GLT1D1: variants seen among roughly 807,000 people sequenced by gnomAD.
GLT1D1 encodes glycosyltransferase 1 domain-containing protein 1.
A neutral mutation model predicts 28.7 loss-of-function variants in GLT1D1; 21 were observed. The ratio of observed to expected loss-of-function variants is 0.73; its 90% CI spans 0.52 to 1.05. The LOEUF is 1.05. Ranked by LOEUF, GLT1D1 falls within the 50% of genes least tolerant of loss-of-function variation. The pLI, the probability that GLT1D1 is intolerant of heterozygous loss-of-function variation, is 0.00. For missense variants in GLT1D1, 343 were observed against 330.6 expected (o/e 1.04, Z -0.29); for synonymous variants, 147 against 124.8 (o/e 1.18, Z -1.19).
At chr12:128,875,730 G>C (rs1956853007) in intron 1 of GLT1D1, among the ~76,000 whole-genome samples, 184 bp from the exon 2 acceptor site, 1 of 151,990 alleles carries the variant, frequency 6.6e-6, no homozygotes, top group Admixed American at 6.6e-5. Context: ...GACCCAGGAG[G>C]CGGAGGTTGC....
At chr12:128,935,884 C>T (rs888261980) in intron 4 of GLT1D1, among the ~76,000 whole-genome samples, 4 of 152,276 alleles carry the variant, frequency 2.6e-5, no homozygotes, top group African/African-American at 7.2e-5. Flanking sequence ...CAATGCTAAC[C>T]GCTGGCAAGT....
intron 7 of GLT1D1, among the ~76,000 whole-genome samples, chr12:128,961,008 G>A (rs470486): frequency 0.35 from 53,426 of 152,044 alleles, 10,082 homozygotes; most frequent in Admixed American, 0.51. Flanking sequence ...TAGATTGTAT[G>A]TTTAATACCC....
intron 2 of GLT1D1, among the ~76,000 whole-genome samples, chr12:128,884,445 T>C (rs976168168): frequency 1.3e-5 from 2 of 152,116 alleles, no homozygotes; most frequent in Non-Finnish European, 2.9e-5. Context: ...AAATTTCAGC[T>C]AGGAGGAATA....
At chr12:128,878,285 T>C (rs1265587042) in intron 2 of GLT1D1, among the ~76,000 whole-genome samples, 1 of 152,186 alleles carries the variant, frequency 6.6e-6, no homozygotes. Context: ...TTTTCACCGC[T>C]CAGCCACACA....
intron 1 of GLT1D1, among the ~76,000 whole-genome samples, chr12:128,871,488 A>G (rs542599114): frequency 6.6e-6 from 1 of 152,332 alleles, no homozygotes; most frequent in African/African-American, 2.4e-5. Flanking sequence ...TCAAGACCCT[A>G]GTTATTCTTT....
chr12:128,970,472 C>T (rs915412408), intron 7 of GLT1D1, among the ~76,000 whole-genome samples: 6 of 152,218 alleles, frequency 3.9e-5, no homozygotes, highest in African/African-American at 1.4e-4. Context: ...CCCGCCCACT[C>T]CCTCCCCGCA....
intron 4 of GLT1D1, among the ~76,000 whole-genome samples, chr12:128,910,197 A>G (rs951006929): frequency 4.6e-5 from 7 of 151,902 alleles, no homozygotes; most frequent in African/African-American, 1.2e-4. Context: ...AGATCAGCAG[A>G]TAAGTCCAGA....
At chr12:128,907,346 C>T (rs541743638) in intron 4 of GLT1D1, among the ~76,000 whole-genome samples, 1 of 149,436 alleles carries the variant, frequency 6.7e-6, no homozygotes, top group African/African-American at 2.5e-5. Flanking sequence ...CGCTTTGTTG[C>T]CCAGGCTGGA....
chr12:128,908,865 C>T (rs1871231909), intron 4 of GLT1D1, among the ~76,000 whole-genome samples: 1 of 152,108 alleles, frequency 6.6e-6, no homozygotes, highest in Admixed American at 6.6e-5. Context: ...AGGAGAATGG[C>T]GTGAACCCGG....
intron 4 of GLT1D1, among the ~76,000 whole-genome samples, chr12:128,934,580 C>T (rs1874345825): frequency 6.6e-6 from 1 of 152,140 alleles, no homozygotes; most frequent in Admixed American, 6.5e-5. Context: ...CCCTAGTTCG[C>T]AGGAGGTCCC....
chr12:128,925,040 G>GTT (rs370274035), intron 4 of GLT1D1, among the ~76,000 whole-genome samples: 11 of 142,610 alleles, frequency 7.7e-5, no homozygotes, highest in South Asian at 2.2e-4. Flanking sequence ...ATTGTTTTTT[G>GTT]TTTTTTTTTT....
intron 1 of GLT1D1, among the ~76,000 whole-genome samples, chr12:128,856,981 T>A (rs1001642067): frequency 2.0e-5 from 3 of 151,322 alleles, no homozygotes; most frequent in Admixed American, 6.6e-5. Flanking sequence ...GAAAAGAAAA[T>A]CAAAAACAAT....
intron 2 of GLT1D1, among the ~76,000 whole-genome samples, chr12:128,881,020 C>T (rs1276726459): frequency 1.3e-5 from 2 of 148,782 alleles, no homozygotes; most frequent in African/African-American, 5.0e-5. Context: ...GTCAGGAGAT[C>T]GAGACCATCT....
chr12:128,937,562 G>A (rs963749292), intron 4 of GLT1D1, among the ~76,000 whole-genome samples: 6 of 152,154 alleles, frequency 3.9e-5, no homozygotes, highest in Non-Finnish European at 5.9e-5. Context: ...TGGGGACAGA[G>A]GATGACATTC....
At chr12:128,969,034 C>G (rs551523384) in intron 7 of GLT1D1, among the ~76,000 whole-genome samples, 19 of 152,138 alleles carry the variant, frequency 1.2e-4, no homozygotes, top group African/African-American at 4.6e-4. Context: ...GCTCCTCTCT[C>G]CCTCTGTCTT....
chr12:128,953,512 A>G (rs1876940518), intron 6 of GLT1D1, among the ~76,000 whole-genome samples: 1 of 151,914 alleles, frequency 6.6e-6, no homozygotes. Flanking sequence ...CAATCTTCCT[A>G]TTTTCTTGTT....
chr12:128,886,994 A>C (rs904271289), intron 2 of GLT1D1, among the ~76,000 whole-genome samples: 5 of 151,718 alleles, frequency 3.3e-5, no homozygotes, highest in African/African-American at 1.2e-4. Flanking sequence ...AGTGAAAAGT[A>C]AGTCTCACTC....
chr12:128,940,267 C>A (rs1429590916), intron 4 of GLT1D1, among the ~76,000 whole-genome samples: 1 of 152,118 alleles, frequency 6.6e-6, no homozygotes, highest in Admixed American at 6.6e-5. Context: ...GTCCCAGGCA[C>A]AGTTCTAACA....
chr12:128,906,986 G>A (rs1249975352), intron 4 of GLT1D1: 11 of 701,768 alleles, frequency 1.6e-5, no homozygotes, highest in African/African-American at 8.7e-5. Flanking sequence ...AGATGTTAGC[G>A]CTGGCCTAAT....
Sources: gnomAD v4.1 joint callset for allele counts (sites outside exome capture counted in the v4.1 genomes callset) on GRCh38, gnomAD v4.1.1 for gene constraint, MANE v1.5 for transcripts, NCBI Gene and HGNC (gene_info 2026-07-23, HGNC 2026-07-21) for gene names.